The following TSHZ2 variants were observed in gnomAD, a reference collection of about 807,000 sequenced individuals.
TSHZ2 encodes teashirt zinc finger homeobox 2.
In TSHZ2, 21 loss-of-function variants were observed where a neutral mutation model predicts 74.4. That is an observed-to-expected ratio of 0.28 (90% CI 0.20 to 0.41). The LOEUF (loss-of-function observed/expected upper bound fraction) is 0.41, where lower values mean the gene tolerates loss of function less well. TSHZ2 is among the 10% of genes least tolerant of loss of function. The pLI is 1.00. For synonymous variants in TSHZ2, 540 were observed against 515.3 expected (o/e 1.05, Z -0.65); for missense variants, 1,244 against 1,293.5 (o/e 0.96, Z 0.59).
At chr20:53,273,810 A>G (rs1384228847) in intron 2 of TSHZ2, among the ~76,000 whole-genome samples, 2 of 152,140 alleles carry the variant, frequency 1.3e-5, no homozygotes, top group African/African-American at 4.8e-5. Flanking sequence ...AAGGGACTTC[A>G]AACAAAGAAG....
At chr20:53,027,573 C>G (rs1231863267) in intron 1 of TSHZ2, among the ~76,000 whole-genome samples, 1 of 152,020 alleles carries the variant, frequency 6.6e-6, no homozygotes, top group Non-Finnish European at 1.5e-5. Context: ...TGGTAAAAGA[C>G]GCTGCGTTCA....
chr20:53,463,419 G>A (rs927714232), intron 2 of TSHZ2, among the ~76,000 whole-genome samples: 2 of 123,984 alleles, frequency 1.6e-5, no homozygotes, highest in African/African-American at 6.6e-5. Flanking sequence ...AGGAAGGAAG[G>A]AAGGAAGGAA....
At chr20:53,091,457 A>C (rs1985882912) in intron 1 of TSHZ2, among the ~76,000 whole-genome samples, 1 of 152,252 alleles carries the variant, frequency 6.6e-6, no homozygotes, top group Admixed American at 6.5e-5. Flanking sequence ...TGCTTTGCTG[A>C]AAATATAGCT....
At chr20:53,054,453 T>C (rs1984574877) in intron 1 of TSHZ2, among the ~76,000 whole-genome samples, 1 of 152,256 alleles carries the variant, frequency 6.6e-6, no homozygotes, top group Admixed American at 6.5e-5. Context: ...GCTTGTGCTA[T>C]GAATCTTTTA....
intron 1 of TSHZ2, among the ~76,000 whole-genome samples, chr20:53,035,804 G>A (rs1433870599): frequency 6.6e-6 from 1 of 152,206 alleles, no homozygotes; most frequent in African/African-American, 2.4e-5. Context: ...TAGCAGCGGA[G>A]TGTAGGTGAC....
chr20:53,176,695 T>C (rs1228653657), intron 1 of TSHZ2, among the ~76,000 whole-genome samples: 2 of 151,148 alleles, frequency 1.3e-5, no homozygotes, highest in Admixed American at 6.6e-5. Flanking sequence ...TCTTTCTTTT[T>C]TTTTTTTTTT....
chr20:53,473,582 C>T (rs543881152), intron 2 of TSHZ2, among the ~76,000 whole-genome samples: 7 of 142,182 alleles, frequency 4.9e-5, no homozygotes, highest in Admixed American at 1.4e-4. Context: ...AAACTGGAAA[C>T]TCTAAAACGC....
At chr20:53,133,969 G>GAAAAAAAAAAAAAAA (rs3070080) in intron 1 of TSHZ2, among the ~76,000 whole-genome samples, 2 of 127,908 alleles carry the variant, frequency 1.6e-5, no homozygotes, top group African/African-American at 6.0e-5. Flanking sequence ...CATTTTTTCT[G>GAAAAAAAAAAAAAAA]AAAAAAAAAA....
At chr20:53,418,348 A>C (rs984837963) in intron 2 of TSHZ2, among the ~76,000 whole-genome samples, 3 of 152,208 alleles carry the variant, frequency 2.0e-5, no homozygotes, top group African/African-American at 7.2e-5. Context: ...AGCCTGATGC[A>C]GCCTGAGGAT....
At chr20:53,051,906 C>T (rs191681115) in intron 1 of TSHZ2, among the ~76,000 whole-genome samples, 63 of 152,252 alleles carry the variant, frequency 4.1e-4, no homozygotes, top group Non-Finnish European at 7.2e-4. Flanking sequence ...ATGTGAAAAC[C>T]GAGGCAGCTG....
At chr20:53,225,473 C>G (rs1989663256) in intron 1 of TSHZ2, among the ~76,000 whole-genome samples, 1 of 152,164 alleles carries the variant, frequency 6.6e-6, no homozygotes. Flanking sequence ...GATTGGAAGG[C>G]CAGAGCTTCC....
chr20:53,403,807 C>T (rs1982755470), intron 2 of TSHZ2, among the ~76,000 whole-genome samples: 1 of 152,192 alleles, frequency 6.6e-6, no homozygotes. Flanking sequence ...AGGTCTGCGG[C>T]TCGTAGGCTC....
chr20:53,082,030 C>A (rs1217463976), intron 1 of TSHZ2, among the ~76,000 whole-genome samples: 1 of 152,002 alleles, frequency 6.6e-6, no homozygotes, highest in Non-Finnish European at 1.5e-5. Flanking sequence ...CCCAAGGTCA[C>A]CCGTCACTGA....
At chr20:53,209,293 G>A (rs1289602262) in intron 1 of TSHZ2, among the ~76,000 whole-genome samples, 2 of 151,976 alleles carry the variant, frequency 1.3e-5, no homozygotes, top group African/African-American at 4.8e-5. Flanking sequence ...TCACCATGTT[G>A]GTCAGGCTGT....
chr20:53,423,085 A>G (rs1983535088), intron 2 of TSHZ2, among the ~76,000 whole-genome samples: 2 of 152,118 alleles, frequency 1.3e-5, no homozygotes, highest in South Asian at 4.1e-4. Flanking sequence ...CAACACCTAC[A>G]CTGTCTCCTG....
chr20:53,433,840 G>A (rs897310915), intron 2 of TSHZ2, among the ~76,000 whole-genome samples: 1 of 152,058 alleles, frequency 6.6e-6, no homozygotes, highest in Non-Finnish European at 1.5e-5. Context: ...TACAGTATTG[G>A]CCAAAAATTT....
At chr20:53,217,989 A>ATCC in intron 1 of TSHZ2, among the ~76,000 whole-genome samples, 1 of 152,344 alleles carries the variant, frequency 6.6e-6, no homozygotes, top group East Asian at 1.9e-4. Context: ...AACAATACAG[A>ATCC]CAAGTATTTT....
At chr20:53,471,654 G>A (rs1985804279) in intron 2 of TSHZ2, among the ~76,000 whole-genome samples, 1 of 152,124 alleles carries the variant, frequency 6.6e-6, no homozygotes, top group Non-Finnish European at 1.5e-5. Context: ...AGAGGGAGCA[G>A]CACGTGCAAA....
At chr20:53,161,129 G>GAAAAAAAAAAAA (rs1470010170) in intron 1 of TSHZ2, among the ~76,000 whole-genome samples, 1 of 20,022 alleles carries the variant, frequency 5.0e-5, no homozygotes, top group East Asian at 1.4e-3. Flanking sequence ...GTTATTTTCA[G>GAAAAAAAAAAAA]CAAAAAAAAA....
Sources: allele counts gnomAD v4.1 joint callset (sites outside exome capture counted in the v4.1 genomes callset), GRCh38; gene constraint gnomAD v4.1.1; transcripts MANE v1.5; gene names NCBI Gene and HGNC (gene_info 2026-07-23, HGNC 2026-07-21).